The following GRIN3A variants were observed in gnomAD, a reference collection of about 807,000 sequenced individuals.
GRIN3A encodes the protein glutamate receptor ionotropic, NMDA 3A.
In GRIN3A, 47 loss-of-function variants were observed where a neutral mutation model predicts 92.4. The observed-to-expected ratio is 0.51, with a 90% CI of 0.40 to 0.65. The LOEUF (loss-of-function observed/expected upper bound fraction) is 0.65, where lower values mean the gene tolerates loss of function less well. Among genes scored for constraint, GRIN3A ranks in the 30% least tolerant of loss-of-function variants. The probability of loss-of-function intolerance (pLI) is 0.00; values close to 1 mark genes in which losing one functional copy is unlikely to be tolerated. For missense variants in GRIN3A, 1,324 were observed against 1,393.1 expected, an observed-to-expected ratio of 0.95 and a Z score of 0.79; for synonymous variants, 527 against 540.6, an observed-to-expected ratio of 0.97 and a Z score of 0.35.
chr9:101,594,241 G>T, intron 6 of GRIN3A: 1 of 829,286 alleles, frequency 1.2e-6, no homozygotes. Flanking sequence ...TTCAGAGAAG[G>T]AGAATTAATA....
chr9:101,612,205 G>A (rs1050052064), intron 6 of GRIN3A, among the ~76,000 whole-genome samples: 3 of 152,208 alleles, frequency 2.0e-5, no homozygotes, highest in African/African-American at 4.8e-5. Flanking sequence ...GCTTGGACTC[G>A]AGTGACAACA....
chr9:101,717,985 G>A (rs1467699693), intron 1 of GRIN3A, among the ~76,000 whole-genome samples: 1 of 152,174 alleles, frequency 6.6e-6, no homozygotes, highest in Non-Finnish European at 1.5e-5. Context: ...GTGGTCAGGA[G>A]TTCTGTCCAC....
At chr9:101,587,493 A>G (rs566665412) in intron 6 of GRIN3A, among the ~76,000 whole-genome samples, 1 of 152,288 alleles carries the variant, frequency 6.6e-6, no homozygotes, top group African/African-American at 2.4e-5. Context: ...CTTCTCTGAC[A>G]GGGTAAGGCT....
intron 1 of GRIN3A, among the ~76,000 whole-genome samples, chr9:101,714,047 C>A (rs1377774068): frequency 6.6e-6 from 1 of 151,956 alleles, no homozygotes; most frequent in Non-Finnish European, 1.5e-5. Context: ...AAATTAAAAA[C>A]AAAACAAGGA....
At chr9:101,608,174 C>T (rs62577377) in intron 6 of GRIN3A, among the ~76,000 whole-genome samples, 3,152 of 151,944 alleles carry the variant, frequency 0.021, 49 homozygotes, top group Admixed American at 0.031. Flanking sequence ...GCCCTCCTAT[C>T]TCTACACACA....
At chr9:101,656,341 T>A (rs1484025611) in intron 3 of GRIN3A, among the ~76,000 whole-genome samples, 2 of 151,836 alleles carry the variant, frequency 1.3e-5, no homozygotes, top group East Asian at 3.9e-4. Context: ...GGACTCTGAG[T>A]CAAAGCATCT....
chr9:101,586,320 T>C (rs1353358523), intron 6 of GRIN3A, among the ~76,000 whole-genome samples: 2 of 152,338 alleles, frequency 1.3e-5, no homozygotes, highest in East Asian at 3.9e-4. Context: ...GCTCGATACA[T>C]ACTCTTGTTT....
rs577161160 is a variant in GRIN3A, at chr9:101,599,184, A to T, written c.2766+14192T>A. Among the ~76,000 whole-genome samples, 11 of 152,284 alleles carry T rather than the reference A, an allele frequency of 7.2e-5. No homozygotes were observed. In the East Asian group the frequency reaches 1.9e-3, roughly 27 times the overall value. ...ATACCTACACATGCTTCATCTACCG[A>T]TGTGTTATTGTAAGAGTCAGATGAG... On this transcript the variant is annotated intron_variant, in intron 6 of 8. Transcript: ENST00000361820.
intron 3 of GRIN3A, among the ~76,000 whole-genome samples, chr9:101,637,444 G>A (rs1247414840): frequency 6.6e-6 from 1 of 152,206 alleles, no homozygotes; most frequent in Non-Finnish European, 1.5e-5. Context: ...AAAGTTGGGA[G>A]GCTGTAAAAA....
At chr9:101,696,513 T>C (rs1313490047) in intron 1 of GRIN3A, among the ~76,000 whole-genome samples, 5 of 150,412 alleles carry the variant, frequency 3.3e-5, no homozygotes, top group Non-Finnish European at 7.4e-5. Flanking sequence ...CTGATTTTAG[T>C]TCCTAATTCA....
rs145247369 is a variant in GRIN3A, at chr9:101,729,426, G to C, written c.699+7855C>G. Among the ~76,000 whole-genome samples the C allele has an allele frequency of 4.6e-5, 7 of 152,238 alleles. No individual in the cohort carries two copies. The East Asian group carries it at 1.4e-3, about 29-fold the overall frequency. On this transcript the variant is annotated intron_variant, in intron 1 of 8. Transcript: ENST00000361820. ...TCTTGCCTTTGAGTTTCTAGTGACT[G>C]CCTGTATTTGTTGACTTATGGCCTC...
chr9:101,683,316 C>T (rs1248831510), intron 2 of GRIN3A, among the ~76,000 whole-genome samples: 1 of 152,200 alleles, frequency 6.6e-6, no homozygotes, highest in Non-Finnish European at 1.5e-5. Flanking sequence ...CTGACATCCA[C>T]TATTCATGGC....
intron 4 of GRIN3A, among the ~76,000 whole-genome samples, chr9:101,626,477 G>A (rs1312849443): frequency 6.6e-6 from 1 of 152,120 alleles, no homozygotes; most frequent in African/African-American, 2.4e-5. Context: ...CTGTGGTTGC[G>A]GGAAGTGGTG....
In GRIN3A at chr9:101,676,857, C is replaced by T. The variant is rs370766370; in HGVS notation, c.1305-5750G>A. Among the ~76,000 whole-genome samples, 162 of 142,582 alleles carry T rather than the reference C, an allele frequency of 1.1e-3. 1 individual carries two copies. Among genetic ancestry groups the T allele is most frequent in the African/African-American group, 4.0e-3 (157 of 39,368 alleles). The allele number at this position is 142,582 out of a possible 152,430, so 93.5% of individuals were successfully genotyped here. On this transcript the variant is annotated intron_variant, in intron 2 of 8. Coordinates refer to ENST00000361820, the MANE Select transcript of GRIN3A (RefSeq NM_133445.3). Reference sequence around the variant, plus strand: ...CAAAGGAATATTCTTAAACCTTCCCCTTTTCCTTTTTTTTTTTCTGTGAGA... The same window carrying T: ...CAAAGGAATATTCTTAAACCTTCCCTTTTTCCTTTTTTTTTTTCTGTGAGA...
chr9:101,678,260 G>T (rs184471461), intron 2 of GRIN3A, among the ~76,000 whole-genome samples: 1 of 152,134 alleles, frequency 6.6e-6, no homozygotes, highest in Non-Finnish European at 1.5e-5. Flanking sequence ...ATTAAGTCAG[G>T]AAACATTTGC....
intron 2 of GRIN3A, among the ~76,000 whole-genome samples, chr9:101,676,918 C>A (rs1323834812): frequency 6.6e-6 from 1 of 150,452 alleles, no homozygotes; most frequent in African/African-American, 2.4e-5. Flanking sequence ...GTAATCCTAT[C>A]TTTTCTTAAT....
Position 101,573,513 on chromosome 9 carries a change from C to T in GRIN3A, c.3009G>A (p.Arg1003=), listed in dbSNP as rs1478302800. ...QHFKTKRVEK[R]SNVGPRQLTV... ...TAAGCTGACGGGGTCCCACATTAGA[C>T]CTAGGAAACAGAGAAATTTTAGATT... The change falls in exon 9 of 9, where the codon AGG becomes AGA. Residue 1003 remains arginine (R), a splice_region_variant and synonymous_variant. Transcript: ENST00000361820. The T allele has an allele frequency of 6.2e-7, 1 of 1,611,858 alleles. No individual in the cohort carries two copies. Among genetic ancestry groups the T allele is most frequent in the African/African-American group, 1.3e-5 (1 of 74,830 alleles).
intron 1 of GRIN3A, among the ~76,000 whole-genome samples, chr9:101,696,844 AT>A (rs1588287567): frequency 6.6e-6 from 1 of 152,126 alleles, no homozygotes; most frequent in African/African-American, 2.4e-5. Context: ...AACGCTGATT[AT>A]TTTTATTTTA....
At chr9:101,638,621 TG>T (rs1303628208) in intron 3 of GRIN3A, among the ~76,000 whole-genome samples, 1 of 152,246 alleles carries the variant, frequency 6.6e-6, no homozygotes, top group Non-Finnish European at 1.5e-5. Flanking sequence ...ATGGTGATGA[TG>T]ATCATGATGT....
Sources: gnomAD v4.1 joint callset for allele counts (sites outside exome capture counted in the v4.1 genomes callset) on GRCh38, gnomAD v4.1.1 for gene constraint, MANE v1.5 for transcripts, NCBI Gene and HGNC (gene_info 2026-07-23, HGNC 2026-07-21) for gene names.